Variants in ACTA2 observed in about 807,000 individuals in gnomAD.
ACTA2 encodes the protein actin, aortic smooth muscle.
Under a neutral mutation model 39.5 loss-of-function variants are expected in ACTA2, and 12 were observed. That is an observed-to-expected ratio of 0.30 (90% confidence interval 0.19 to 0.49). The LOEUF (loss-of-function observed/expected upper bound fraction) is 0.49, where lower values mean the gene tolerates loss of function less well. ACTA2 is among the 20% of genes least tolerant of loss of function. The pLI is 0.99. For missense variants in ACTA2, 236 were observed against 498.8 expected, an observed-to-expected ratio of 0.47 and a Z score of 5.02; for synonymous variants, 158 against 180.6, an observed-to-expected ratio of 0.88 and a Z score of 1.00.
At chr10:88,955,698 GAGA>G (rs1846127141), upstream of ACTA2, among the ~76,000 whole-genome samples, 1 of 152,200 alleles carries the variant, frequency 6.6e-6, no homozygotes, top group African/African-American at 2.4e-5. Context: ...TTCAAAATGT[GAGA>G]AGATCAGAGA....
At chr10:88,936,816 A>G (rs535781288) in intron 8 of ACTA2, among the ~76,000 whole-genome samples, 233 of 152,320 alleles carry the variant, frequency 1.5e-3, no homozygotes, top group Middle Eastern at 3.4e-3. Flanking sequence ...GAGTTCCCAT[A>G]GGTCTCTCAT....
chr10:88,936,025 A>C (rs1845732138), intron 8 of ACTA2, among the ~76,000 whole-genome samples: 1 of 152,258 alleles, frequency 6.6e-6, no homozygotes, highest in African/African-American at 2.4e-5. Flanking sequence ...AACCAGTTTA[A>C]TCTTTATCTT....
chr10:88,978,578 A>T (rs767433262), intron 1 of ACTA2, among the ~76,000 whole-genome samples: 1 of 152,112 alleles, frequency 6.6e-6, no homozygotes, highest in Admixed American at 6.5e-5. Context: ...ATTCTGTTCT[A>T]TTGAAAGCCA....
intron 1 of ACTA2, among the ~76,000 whole-genome samples, chr10:88,981,637 C>T (rs1247820595): frequency 2.6e-5 from 4 of 152,014 alleles, no homozygotes; most frequent in African/African-American, 9.7e-5. Context: ...GTGGGGTGGG[C>T]AGAGTGGGAG....
intron 3 of ACTA2, 140 bp downstream of exon 3, chr10:88,947,118 C>T (rs1354569861): frequency 7.1e-6 from 9 of 1,269,372 alleles, no homozygotes; most frequent in Admixed American, 4.2e-5. Context: ...TGGGTAATAA[C>T]CCAGAATGAA....
Position 88,938,257 on chromosome 10 carries a change from C to T in ACTA2, c.809-15G>A. Reference sequence around the variant, plus strand: ...AGACTCCATCCCTGGAAAAGAGACACAGGCCATGGTCCTTAAGTGGAGAGT... The same window carrying T: ...AGACTCCATCCCTGGAAAAGAGACATAGGCCATGGTCCTTAAGTGGAGAGT... On this transcript the variant is annotated splice_polypyrimidine_tract_variant and intron_variant, in intron 7 of 8. Transcript: ENST00000224784. 1.2e-6 allele frequency: 2 copies of T among 1,613,908 alleles called. No homozygotes were observed. Among genetic ancestry groups the T allele is most frequent in the African/African-American group, 2.7e-5 (2 of 75,034 alleles).
At position 88,990,861 on chromosome 10, in the gene ACTA2, G is replaced by T. The variant is rs1430682549; in HGVS notation, c.-24+78C>A. The stretch of plus-strand genomic sequence containing the variant: ...GTTGGGGAAGCTCTTTCACTTCGGA[G>T]GATTGCTCAACAACCATGCTGGGCA... On this transcript the variant is annotated intron_variant, in intron 1 of 4. Transcript: ENST00000415557. The surrounding 1 kb of genome is among the most constrained non-coding windows in gnomAD (Gnocchi z 4.9). 2.5e-6 allele frequency: 4 copies of T among 1,614,244 alleles called. No homozygotes were observed. In the South Asian group the frequency reaches 3.3e-5, roughly 13 times the overall value.
At position 88,935,362 on chromosome 10, in the gene ACTA2, A is replaced by G. The variant is rs1314144330; in HGVS notation, c.995T>C (p.Ile332Thr). The change falls in exon 9 of 9, where the codon ATT becomes ACT. Residue 332 changes from isoleucine (I) to threonine (T), a missense_variant. By Grantham distance (89) the Ile-to-Thr change is moderately conservative. Coordinates refer to ENST00000224784, the MANE Select transcript of ACTA2 (RefSeq NM_001613.4). ...LAPSTMKIKI[I>T]APPERKYSVW... ...AGAGTATTTGCGCTCCGGAGGGGCA[A>G]TGATCTGTCAGTCAAGATGAAAAAG... is the stretch of plus-strand genomic sequence containing the variant. The G allele has an allele frequency of 5.6e-6, 9 of 1,613,636 alleles. No homozygotes were observed. Among genetic ancestry groups the G allele is most frequent in the Non-Finnish European group, 6.8e-6 (8 of 1,179,744 alleles).
chr10:88,980,056 C>G (rs941480681), intron 1 of ACTA2, among the ~76,000 whole-genome samples: 1 of 152,252 alleles, frequency 6.6e-6, no homozygotes, highest in Non-Finnish European at 1.5e-5. Flanking sequence ...ATAAAGTGGA[C>G]TTCTTTCCAC....
At chr10:88,969,627 G>A (rs746923552) in intron 1 of ACTA2, among the ~76,000 whole-genome samples, 18 of 152,072 alleles carry the variant, frequency 1.2e-4, no homozygotes, top group Non-Finnish European at 2.4e-4. Context: ...GGCTCTCTGG[G>A]ATGACCAGTT....
At chr10:88,971,608 G>A (rs1392690503) in intron 1 of ACTA2, among the ~76,000 whole-genome samples, 1 of 152,060 alleles carries the variant, frequency 6.6e-6, no homozygotes, top group South Asian at 2.1e-4. Context: ...TATAATAAAA[G>A]TCATAATGCC....
chr10:88,987,823 T>A (rs11599850), intron 1 of ACTA2, among the ~76,000 whole-genome samples: 144 of 152,328 alleles, frequency 9.5e-4, no homozygotes, highest in Middle Eastern at 6.8e-3. Context: ...TCAAACACTA[T>A]CTTAGATGTT....
chr10:88,947,355 C>CT lies in ACTA2; in HGVS notation c.160dup (p.Ser54LysfsTer5). The CT allele has an allele frequency of 6.2e-7, 1 of 1,614,006 alleles. No individual in the cohort carries two copies. The highest frequency in any genetic ancestry group is 8.5e-7 in the Non-Finnish European group (1 of 1,179,918). ...GCTCTGTGCTTCGTCACCCACGTAG[C>CT]TGTCTTTTTGTCCCATTCCCACCAT... On this transcript the variant is annotated frameshift_variant, in exon 3 of 9. Transcript: ENST00000224784. LOFTEE classifies it high-confidence loss of function.
Position 88,983,609 on chromosome 10 carries a change from C to CAAA in ACTA2, c.-24+7327_-24+7329dup, listed in dbSNP as rs71022549. 6.0e-4 allele frequency among the ~76,000 whole-genome samples: 28 copies of CAAA among 46,456 alleles called. 1 individual carries two copies. The highest frequency in any genetic ancestry group is 8.7e-4 in the Non-Finnish European group (24 of 27,628). The allele number at this position is 46,456 out of a possible 152,430, so 30.5% of individuals were successfully genotyped here. ...GGTTTAGATAAGTTAACAGGTTATGCAAAAAAAAAAAAAAAAAAAAAAAAA... is the reference window on the plus strand; with the variant it reads ...GGTTTAGATAAGTTAACAGGTTATGCAAAAAAAAAAAAAAAAAAAAAAAAAAAA... On this transcript the variant is annotated intron_variant, in intron 1 of 4. Transcript: ENST00000415557.
chr10:88,981,016 C>T (rs1203384080), intron 1 of ACTA2, among the ~76,000 whole-genome samples: 1 of 152,164 alleles, frequency 6.6e-6, no homozygotes, highest in Admixed American at 6.5e-5. Flanking sequence ...GAATAGGGTC[C>T]TTCCAGAGGG....
intron 1 of ACTA2, among the ~76,000 whole-genome samples, chr10:88,966,592 A>C (rs900540655): frequency 1.3e-5 from 2 of 152,218 alleles, no homozygotes; most frequent in Non-Finnish European, 2.9e-5. Context: ...ATAGTTTCAC[A>C]AAAGGAAAGC....
chr10:88,936,996 C>T (rs947389216), intron 8 of ACTA2, among the ~76,000 whole-genome samples: 13 of 152,144 alleles, frequency 8.5e-5, no homozygotes, highest in African/African-American at 2.7e-4. Flanking sequence ...TTTCTGTTAT[C>T]GACCCTCATG....
At chr10:88,955,517 C>G (rs967613884), upstream of ACTA2, among the ~76,000 whole-genome samples, 2 of 152,216 alleles carry the variant, frequency 1.3e-5, no homozygotes, top group African/African-American at 4.8e-5. Context: ...GGCATGGAGT[C>G]TACGCTGGCA....
intron 1 of ACTA2, chr10:88,974,388 T>C (rs1846517376): frequency 1.3e-5 from 2 of 152,230 alleles, no homozygotes; most frequent in African/African-American, 2.4e-5. Flanking sequence ...TTAAAAGTGA[T>C]ATTGAAACTA....
Sources: gnomAD v4.1 joint callset for allele counts (sites outside exome capture counted in the v4.1 genomes callset) on GRCh38, gnomAD v4.1.1 for gene constraint, Gnocchi (gnomAD v3.1) non-coding constraint, MANE v1.5 for transcripts, NCBI Gene and HGNC (gene_info 2026-07-23, HGNC 2026-07-21) for gene names.